The following ANXA3 variants were observed in gnomAD, a reference collection of about 807,000 sequenced individuals.
ANXA3 encodes the protein annexin A3.
ANXA3 carries 46 observed loss-of-function variants against 48.8 expected under a neutral mutation model. That is an observed-to-expected ratio of 0.94 (90% confidence interval 0.74 to 1.21). ANXA3 has a LOEUF of 1.21. ANXA3 is among the 50% of genes most tolerant of loss of function. The pLI, the probability that ANXA3 is intolerant of heterozygous loss-of-function variation, is 0.00. For missense variants in ANXA3, 383 were observed against 378.6 expected, an observed-to-expected ratio of 1.01 and a Z score of -0.10; for synonymous variants, 128 against 134.7, an observed-to-expected ratio of 0.95 and a Z score of 0.35.
At chr4:78,567,425 T>G (rs1407976003) in intron 2 of ANXA3, among the ~76,000 whole-genome samples, 1 of 152,160 alleles carries the variant, frequency 6.6e-6, no homozygotes, top group African/African-American at 2.4e-5. Flanking sequence ...AGGTTCTTAG[T>G]TGGAAAGCAC....
intron 3 of ANXA3, among the ~76,000 whole-genome samples, chr4:78,575,501 A>T (rs1337452618): frequency 6.6e-6 from 1 of 152,110 alleles, no homozygotes; most frequent in Non-Finnish European, 1.5e-5. Flanking sequence ...TATAAGGTGG[A>T]GTTTCCCTGC....
At chr4:78,580,892 C>A (rs1292807497) in intron 4 of ANXA3, among the ~76,000 whole-genome samples, 1 of 152,176 alleles carries the variant, frequency 6.6e-6, no homozygotes, top group African/African-American at 2.4e-5. Context: ...AGCTTCAGGG[C>A]AAGACAACAC....
Position 78,597,949 on chromosome 4 carries a change from A to G in ANXA3, c.730+535A>G, listed in dbSNP as rs541563384. On this transcript the variant is annotated intron_variant, in intron 10 of 12. Coordinates refer to ENST00000264908, the MANE Select transcript of ANXA3 (RefSeq NM_005139.3). ...ATCTTACCTTGCTTTTTAAATTTGT[A>G]TTTGTCTTGTGACCATGTTTAGCTT... 2.0e-4 allele frequency among the ~76,000 whole-genome samples: 30 copies of G among 152,192 alleles called. 1 individual carries two copies. In the South Asian group the frequency reaches 5.8e-3, roughly 29 times the overall value.
chr4:78,601,720 C>A (rs1723546892), intron 11 of ANXA3, 152 bp downstream of exon 11: 1 of 626,304 alleles, frequency 1.6e-6, no homozygotes, highest in Non-Finnish European at 2.8e-6. Context: ...AGGTATGATA[C>A]AATACACTCT....
chr4:78,593,798 A>G (rs7664386), intron 7 of ANXA3, among the ~76,000 whole-genome samples: 14,533 of 128,824 alleles, frequency 0.11, 2,620 homozygotes, highest in African/African-American at 0.39. Context: ...CACCACATTC[A>G]GCTAATTTTT....
At chr4:78,571,891 T>C (rs1434372032) in intron 2 of ANXA3, among the ~76,000 whole-genome samples, 1 of 152,242 alleles carries the variant, frequency 6.6e-6, no homozygotes, top group African/African-American at 2.4e-5. Context: ...CCTGAAGATC[T>C]ATGATGTCAG....
rs149127579 is a variant in ANXA3, at chr4:78,600,031, C to T, written c.731-1479C>T. Among the ~76,000 whole-genome samples the T allele has an allele frequency of 3.2e-3, 494 of 152,204 alleles. 17 individuals carry two copies. The highest frequency in any genetic ancestry group is 0.028 in the Admixed American group (426 of 15,286). On this transcript the variant is annotated intron_variant, in intron 10 of 12. Coordinates refer to ENST00000264908, the MANE Select transcript of ANXA3 (RefSeq NM_005139.3). ...CAAGGGCATGATCACTGGGGATTGA[C>T]AGGAAACACGTCTGGCAGTGGACAG...
intron 4 of ANXA3, among the ~76,000 whole-genome samples, chr4:78,579,928 A>G (rs576815562): frequency 3.3e-5 from 5 of 152,344 alleles, no homozygotes; most frequent in Admixed American, 2.6e-4. Flanking sequence ...CCGTCTCAAA[A>G]AACAAAATAA....
At chr4:78,580,760 A>C (rs980623621) in intron 4 of ANXA3, among the ~76,000 whole-genome samples, 1 of 152,210 alleles carries the variant, frequency 6.6e-6, no homozygotes, top group Non-Finnish European at 1.5e-5. Context: ...TTATCTTTGA[A>C]TATTTCTGTT....
intron 11 of ANXA3, chr4:78,601,944 T>G (rs1723550925): frequency 6.3e-6 from 1 of 158,988 alleles, no homozygotes; most frequent in African/African-American, 2.4e-5. Flanking sequence ...CTATTTTAAA[T>G]AGAAAATGAG....
At position 78,604,332 on chromosome 4, in the gene ANXA3, T is replaced by C. The variant is rs763649350; in HGVS notation, c.845T>C (p.Ile282Thr). Residue 282 changes from isoleucine (I) to threonine (T), a missense_variant, in exon 12 of 13, where the codon ATT (isoleucine) becomes ACT (threonine). Physicochemically the swap from Ile to Thr is moderately conservative, Grantham distance 89. Transcript: ENST00000264908. ...LNRIMVSRSE[I>T]DLLDIRTEFK... ...CGAATAATGGTGTCCAGATCAGAAA[T>C]TGACCTTTTGGACATTCGAACAGAG... 2.7e-5 allele frequency: 43 copies of C among 1,613,548 alleles called. No homozygotes were observed. Among genetic ancestry groups the C allele is most frequent in the South Asian group, 6.6e-5 (6 of 91,052 alleles).
intron 3 of ANXA3, among the ~76,000 whole-genome samples, chr4:78,573,507 A>G (rs190006398): frequency 6.6e-6 from 1 of 152,354 alleles, no homozygotes. Flanking sequence ...AGATCCCCAA[A>G]TGCCGGGGGA....
intron 2 of ANXA3, among the ~76,000 whole-genome samples, chr4:78,559,783 C>T (rs1051752719): frequency 1.3e-5 from 2 of 152,166 alleles, no homozygotes; most frequent in African/African-American, 2.4e-5. Flanking sequence ...ATCTATAAAA[C>T]AGGTAGGGTA....
chr4:78,595,118 C>T (rs60681937), intron 7 of ANXA3, among the ~76,000 whole-genome samples: 182 of 152,180 alleles, frequency 1.2e-3, no homozygotes, highest in African/African-American at 4.1e-3. Flanking sequence ...GCCTGGCCAA[C>T]AGAGAGTGAG....
intron 3 of ANXA3, among the ~76,000 whole-genome samples, chr4:78,576,453 T>C (rs1002207969): frequency 4.6e-5 from 7 of 152,104 alleles, no homozygotes; most frequent in South Asian, 2.1e-4. Context: ...CTCATCACAA[T>C]GTGTACCTAA....
intron 12 of ANXA3, among the ~76,000 whole-genome samples, chr4:78,606,281 G>A (rs768648317): frequency 6.6e-5 from 10 of 152,240 alleles, no homozygotes; most frequent in Non-Finnish European, 1.3e-4. Context: ...CCTAGAAGGT[G>A]ATCCAGGATG....
intron 5 of ANXA3, among the ~76,000 whole-genome samples, chr4:78,583,931 A>C (rs1365069797): frequency 2.0e-5 from 3 of 152,230 alleles, no homozygotes; most frequent in Non-Finnish European, 2.9e-5. Flanking sequence ...GTTTGATTGA[A>C]TAAGTGGCAT....
At chr4:78,595,262 T>C in intron 7 of ANXA3, 119 bp from the exon 8 acceptor site, 1 of 1,089,242 alleles carries the variant, frequency 9.2e-7, no homozygotes, top group East Asian at 2.4e-5. Flanking sequence ...TACATGATTT[T>C]TCTGTGCAAC....
intron 4 of ANXA3, among the ~76,000 whole-genome samples, chr4:78,581,186 G>T (rs2109936912): frequency 6.6e-6 from 1 of 152,310 alleles, no homozygotes; most frequent in Middle Eastern, 3.4e-3. Context: ...CCAGGAGTGT[G>T]GTTGTGTCAA....
Sources: allele counts gnomAD v4.1 joint callset (sites outside exome capture counted in the v4.1 genomes callset), GRCh38; gene constraint gnomAD v4.1.1; transcripts MANE v1.5; gene names NCBI Gene and HGNC (gene_info 2026-07-23, HGNC 2026-07-21).